CRISP2: variants seen among roughly 807,000 people sequenced by gnomAD.
CRISP2 encodes the protein cysteine-rich secretory protein 2.
A neutral mutation model predicts 31.7 loss-of-function variants in CRISP2; 29 were observed. That is an observed-to-expected ratio of 0.92 (90% CI 0.68 to 1.25). The LOEUF (loss-of-function observed/expected upper bound fraction) is 1.25, where lower values mean the gene tolerates loss of function less well. Among genes scored for constraint, CRISP2 ranks in the 50% most tolerant of loss-of-function variants. CRISP2 has a pLI of 0.00. For missense variants in CRISP2, 318 were observed against 286.5 expected (o/e 1.11, Z -0.79); for synonymous variants, 111 against 101.4 (o/e 1.09, Z -0.57).
At chr6:49,705,191 T>G (rs547848) in intron 4 of CRISP2, among the ~76,000 whole-genome samples, 1 of 151,836 alleles carries the variant, frequency 6.6e-6, no homozygotes, top group South Asian at 2.1e-4. Flanking sequence ...CTGCAGCCAC[T>G]GTGCAAGATG....
chr6:49,713,582 G>C (rs1768421002), upstream of CRISP2: 1 of 152,206 alleles, frequency 6.6e-6, no homozygotes, highest in African/African-American at 2.4e-5. Context: ...CTTGCCAGGC[G>C]CCACGTGTGG....
intron 9 of CRISP2, 81 bp from the exon 10 acceptor site, chr6:49,692,981 G>C (rs1240463833): frequency 3.4e-6 from 5 of 1,469,738 alleles, no homozygotes; most frequent in East Asian, 4.6e-5. Flanking sequence ...GTGTGGGGAG[G>C]GGGTAGGAGG....
At chr6:49,682,581 CTTTCTTTTTCTT>C in the CRISP2 span, among the ~76,000 whole-genome samples, 8 of 88,900 alleles carry the variant, frequency 9.0e-5, no homozygotes, top group Non-Finnish European at 1.7e-4. Context: ...CTTTTTCTTT[CTTTCTTTTTCTT>C]TCTTTCTTTC....
chr6:49,699,175 T>A (rs1284495309), intron 6 of CRISP2, among the ~76,000 whole-genome samples: 1 of 152,072 alleles, frequency 6.6e-6, no homozygotes, highest in Non-Finnish European at 1.5e-5. Context: ...GAATATAGTA[T>A]TCTGTGCATT....
the CRISP2 span, among the ~76,000 whole-genome samples, chr6:49,684,317 A>T: frequency 1.3e-5 from 2 of 152,220 alleles, no homozygotes; most frequent in Admixed American, 6.5e-5. Flanking sequence ...GATACAATTT[A>T]AATCCTATAC....
intron 4 of CRISP2, among the ~76,000 whole-genome samples, chr6:49,703,960 T>C (rs553218993): frequency 1.3e-5 from 2 of 152,210 alleles, no homozygotes; most frequent in Non-Finnish European, 2.9e-5. Context: ...TCCAAACTTT[T>C]AGATGTCTCT....
intron 5 of CRISP2, 40 bp from the exon 6 acceptor site, chr6:49,699,931 G>A: frequency 6.5e-7 from 1 of 1,538,654 alleles, no homozygotes; most frequent in Non-Finnish European, 9.0e-7. Context: ...TAATGATTCA[G>A]CCACAATGAA....
At chr6:49,693,827 T>C (rs565040252) in intron 9 of CRISP2, among the ~76,000 whole-genome samples, 3 of 152,198 alleles carry the variant, frequency 2.0e-5, no homozygotes, top group Non-Finnish European at 4.4e-5. Flanking sequence ...GATAAATTTC[T>C]AAATTGTTTC....
chr6:49,701,983 A>G (rs1483791105), intron 4 of CRISP2, among the ~76,000 whole-genome samples: 2 of 31,412 alleles, frequency 6.4e-5, no homozygotes, highest in African/African-American at 1.5e-4. Flanking sequence ...TATAATATAT[A>G]TAATATAATA....
At chr6:49,687,652 T>C (rs1763926167), downstream of CRISP2, among the ~76,000 whole-genome samples, 1 of 152,212 alleles carries the variant, frequency 6.6e-6, no homozygotes, top group African/African-American at 2.4e-5. Context: ...AGAGGGTTAA[T>C]CTGTTGTTCA....
At chr6:49,687,518 A>G (rs1244346327), downstream of CRISP2, among the ~76,000 whole-genome samples, 23 of 152,178 alleles carry the variant, frequency 1.5e-4, no homozygotes, top group Non-Finnish European at 3.4e-4. Context: ...CATTCCTAGA[A>G]TCTTGAAATT....
At chr6:49,705,408 C>T (rs1295559003) in intron 4 of CRISP2, among the ~76,000 whole-genome samples, 1 of 152,140 alleles carries the variant, frequency 6.6e-6, no homozygotes, top group East Asian at 1.9e-4. Flanking sequence ...CTCTGTTGTG[C>T]AAGTCTGAGA....
intron 8 of CRISP2, 121 bp downstream of exon 8, chr6:49,697,739 C>G: frequency 6.4e-7 from 1 of 1,561,534 alleles, no homozygotes; most frequent in Non-Finnish European, 8.7e-7. Flanking sequence ...AAAACATTTC[C>G]AAACGTTTAT....
chr6:49,687,839 G>A (rs1763932565), downstream of CRISP2, among the ~76,000 whole-genome samples: 1 of 152,162 alleles, frequency 6.6e-6, no homozygotes, highest in Non-Finnish European at 1.5e-5. Flanking sequence ...GTTCCACTGT[G>A]GTACCTCTGC....
In CRISP2 at chr6:49,703,540, G is replaced by C. The variant is rs114834352; in HGVS notation, c.67-2756C>G. On this transcript the variant is annotated intron_variant, in intron 4 of 9. Transcript: ENST00000339139. ...TCTTGTAGAGGTCTTTCACCTCCTT[G>C]GTTAGGTATACTCCAAAGTATTTTA... Among the ~76,000 whole-genome samples, 1,156 of 152,140 alleles carry C rather than the reference G, an allele frequency of 7.6e-3. 20 individuals are homozygous for C. The highest frequency in any genetic ancestry group is 0.027 in the African/African-American group (1,101 of 41,516).
At chr6:49,688,869 C>CT, downstream of CRISP2, among the ~76,000 whole-genome samples, 1 of 152,066 alleles carries the variant, frequency 6.6e-6, no homozygotes, top group Middle Eastern at 3.4e-3. Context: ...CTTTTCTTTT[C>CT]TTTTATTTTT....
At chr6:49,683,536 C>T in the CRISP2 span, among the ~76,000 whole-genome samples, 35 of 148,334 alleles carry the variant, frequency 2.4e-4, no homozygotes, top group African/African-American at 6.2e-4. Flanking sequence ...CGGTGGCAGG[C>T]GCCTGTAATC....
At chr6:49,688,189 A>C (rs1763944969), downstream of CRISP2, among the ~76,000 whole-genome samples, 1 of 152,192 alleles carries the variant, frequency 6.6e-6, no homozygotes, top group Admixed American at 6.5e-5. Flanking sequence ...TTTAAAACAA[A>C]TTAACAAAAC....
chr6:49,704,628 C>T (rs1397584551), intron 4 of CRISP2, among the ~76,000 whole-genome samples: 1 of 152,076 alleles, frequency 6.6e-6, no homozygotes, highest in African/African-American at 2.4e-5. Context: ...CGGGGTCTAG[C>T]GACCCAGCAG....
Sources: allele counts gnomAD v4.1 joint callset (sites outside exome capture counted in the v4.1 genomes callset), GRCh38; gene constraint gnomAD v4.1.1; transcripts MANE v1.5; gene names NCBI Gene and HGNC (gene_info 2026-07-23, HGNC 2026-07-21).